Variants in RYR3 observed in about 807,000 individuals in gnomAD.
RYR3 encodes brain ryanodine receptor-calcium release channel.
RYR3 carries 207 observed loss-of-function variants against 584.3 expected under a neutral mutation model. The observed-to-expected ratio is 0.35, with a 90% CI of 0.32 to 0.40. The LOEUF is 0.40. Among genes scored for constraint, RYR3 ranks in the 10% least tolerant of loss-of-function variants. RYR3 has a pLI of 1.00. For missense variants in RYR3, 5,616 were observed against 6,089.2 expected (o/e 0.92, Z 2.59); for synonymous variants, 2,416 against 2,248.5 (o/e 1.07, Z -2.11).
At chr15:33,433,214 A>G (rs1195477277) in intron 1 of RYR3, among the ~76,000 whole-genome samples, 5 of 152,144 alleles carry the variant, frequency 3.3e-5, no homozygotes, top group Non-Finnish European at 7.4e-5. Context: ...CTGGGGTTGG[A>G]CCGAGGGGTC....
chr15:33,469,779 G>C (rs2048781046), intron 1 of RYR3, among the ~76,000 whole-genome samples: 1 of 152,140 alleles, frequency 6.6e-6, no homozygotes, highest in Non-Finnish European at 1.5e-5. Context: ...AAAGCAGGAA[G>C]CCTGAAGAAT....
chr15:33,673,273 C>T lies in RYR3; in HGVS notation c.5860+2717C>T, dbSNP rs548636858. Among the ~76,000 whole-genome samples, 10 of 152,346 alleles carry T rather than the reference C, an allele frequency of 6.6e-5. No homozygotes were observed. The East Asian group carries it at 7.7e-4, about 12-fold the overall frequency. On this transcript the variant is annotated intron_variant, in intron 38 of 103. Transcript: ENST00000634891. ...AGATAAGGTGGTGGTGGGCTCACCC[C>T]GCAGTCCCTCTGCTGTGAGCAGTTG...
chr15:33,475,780 A>G (rs574891240), intron 2 of RYR3, among the ~76,000 whole-genome samples: 2 of 152,326 alleles, frequency 1.3e-5, no homozygotes, highest in Non-Finnish European at 2.9e-5. Flanking sequence ...TAACTACCCT[A>G]TAAGATTGCT....
At chr15:33,418,575 A>G (rs1175018315) in intron 1 of RYR3, among the ~76,000 whole-genome samples, 1 of 152,124 alleles carries the variant, frequency 6.6e-6, no homozygotes, top group Non-Finnish European at 1.5e-5. Flanking sequence ...CTGGAAGGGT[A>G]GTTGGAGAAA....
At chr15:33,646,807 G>A (rs1036322808) in intron 29 of RYR3, among the ~76,000 whole-genome samples, 4 of 152,168 alleles carry the variant, frequency 2.6e-5, no homozygotes, top group African/African-American at 4.8e-5. Flanking sequence ...CTTCCTTGCT[G>A]CCCACAATTC....
chr15:33,507,583 A>G (rs553087172), intron 3 of RYR3, among the ~76,000 whole-genome samples: 2 of 152,300 alleles, frequency 1.3e-5, no homozygotes, highest in South Asian at 4.2e-4. Flanking sequence ...AATTGATTAG[A>G]CCTACAGTGT....
intron 2 of RYR3, among the ~76,000 whole-genome samples, chr15:33,474,608 A>C (rs1560964): frequency 0.35 from 53,030 of 152,158 alleles, 9,990 homozygotes; most frequent in East Asian, 0.52. Context: ...CGTTTGGCTG[A>C]ATAACGGCAC....
rs534904798 is a variant in RYR3, at chr15:33,358,546, A to G, written c.51+47450A>G. ...GGCTGCAGAGACGTGGTGACTGGCC[A>G]TGAGTCAGCCCAGGACTGTGGTGCA... is the stretch of plus-strand genomic sequence containing the variant. On this transcript the variant is annotated intron_variant, in intron 1 of 103. Coordinates refer to ENST00000634891, the MANE Select transcript of RYR3 (RefSeq NM_001036.6). 4.6e-5 allele frequency among the ~76,000 whole-genome samples: 7 copies of G among 151,994 alleles called. No individual in the cohort carries two copies. In the East Asian group the frequency reaches 1.2e-3, roughly 25 times the overall value.
intron 43 of RYR3, among the ~76,000 whole-genome samples, chr15:33,709,387 T>C (rs1596268390): frequency 6.6e-6 from 1 of 152,230 alleles, no homozygotes. Context: ...ATAGATTCAG[T>C]TGAGAAGCAG....
At chr15:33,538,903 C>T (rs1486774257) in intron 5 of RYR3, among the ~76,000 whole-genome samples, 1 of 151,908 alleles carries the variant, frequency 6.6e-6, no homozygotes, top group Admixed American at 6.6e-5. Context: ...CAGATGTAAG[C>T]CTTTAAAAAA....
intron 46 of RYR3, among the ~76,000 whole-genome samples, chr15:33,728,518 A>G (rs894261856): frequency 3.9e-5 from 6 of 152,376 alleles, no homozygotes; most frequent in Non-Finnish European, 8.8e-5. Flanking sequence ...CAGATTGAGT[A>G]TTCCTTATCC....
chr15:33,717,745 G>A (rs182379558), intron 43 of RYR3, among the ~76,000 whole-genome samples: 11 of 152,310 alleles, frequency 7.2e-5, no homozygotes, highest in African/African-American at 2.2e-4. Context: ...ACAGGTCTGC[G>A]GGGGTGGCTC....
At chr15:33,506,288 A>G (rs956264609) in intron 3 of RYR3, among the ~76,000 whole-genome samples, 2 of 152,226 alleles carry the variant, frequency 1.3e-5, no homozygotes, top group Non-Finnish European at 2.9e-5. Context: ...GTTTAATATA[A>G]TTATATATTT....
At chr15:33,728,766 G>T in intron 46 of RYR3, 91 bp from the exon 47 acceptor site, 3 of 1,255,414 alleles carry the variant, frequency 2.4e-6, no homozygotes, top group East Asian at 5.2e-5. Flanking sequence ...CCCTTATAGG[G>T]AGAATAAGCT....
intron 33 of RYR3, 54 bp downstream of exon 33, chr15:33,659,860 C>T: frequency 8.2e-7 from 1 of 1,222,958 alleles, no homozygotes; most frequent in Non-Finnish European, 1.2e-6. Context: ...CAGCACTAAC[C>T]ATTAGGGGGA....
chr15:33,429,990 T>C (rs1025983045), intron 1 of RYR3, among the ~76,000 whole-genome samples: 1 of 152,258 alleles, frequency 6.6e-6, no homozygotes, highest in Admixed American at 6.5e-5. Context: ...CAGGGCCTTC[T>C]GGCTGGGTGT....
chr15:33,610,824 T>C (rs2060145004), intron 18 of RYR3, among the ~76,000 whole-genome samples: 1 of 152,200 alleles, frequency 6.6e-6, no homozygotes, highest in African/African-American at 2.4e-5. Context: ...AGGTAATTTT[T>C]TACAAAATTT....
intron 1 of RYR3, among the ~76,000 whole-genome samples, chr15:33,437,617 G>A (rs2045849210): frequency 6.6e-6 from 1 of 152,238 alleles, no homozygotes; most frequent in Non-Finnish European, 1.5e-5. Flanking sequence ...ACGGAGTTGG[G>A]ATAACTGTTG....
chr15:33,688,198 A>G (rs2065152112), intron 38 of RYR3, among the ~76,000 whole-genome samples: 1 of 133,740 alleles, frequency 7.5e-6, no homozygotes, highest in Non-Finnish European at 1.6e-5. Context: ...ATTTACAAAG[A>G]ACTCAAACAG....
Sources: gnomAD v4.1 joint callset for allele counts (sites outside exome capture counted in the v4.1 genomes callset) on GRCh38, gnomAD v4.1.1 for gene constraint, MANE v1.5 for transcripts, NCBI Gene and HGNC (gene_info 2026-07-23, HGNC 2026-07-21) for gene names.